The following AQP7 variants were observed in gnomAD, a reference collection of about 807,000 sequenced individuals.
The protein encoded by AQP7 is aquaporin 7.
A neutral mutation model predicts 26.1 loss-of-function variants in AQP7; 22 were observed. The observed-to-expected ratio is 0.84, with a 90% CI of 0.60 to 1.20. The LOEUF is 1.20. AQP7 is among the 50% of genes most tolerant of loss of function. The pLI is 0.00. For missense variants in AQP7, 412 were observed against 457.5 expected (o/e 0.90, Z 0.91); for synonymous variants, 167 against 181.7 (o/e 0.92, Z 0.65).
At chr9:33,399,203 T>C (rs1173664504) in intron 2 of AQP7, among the ~76,000 whole-genome samples, 1 of 152,036 alleles carries the variant, frequency 6.6e-6, no homozygotes, top group Non-Finnish European at 1.5e-5. Flanking sequence ...TAACCAGCTA[T>C]TAACTCATTT....
At position 33,395,036 on chromosome 9, in the gene AQP7, C is replaced by T. The variant is rs570250104; in HGVS notation, c.144+42G>A. On this transcript the variant is annotated intron_variant, in intron 3 of 7. Transcript: ENST00000297988. ...GCATGGGGAGGGGGTCATGGACGGCCCTGGCGGAGCCCCACCCACTTCGTG... is the reference window on the plus strand; with the variant it reads ...GCATGGGGAGGGGGTCATGGACGGCTCTGGCGGAGCCCCACCCACTTCGTG... 4.5e-5 allele frequency: 70 copies of T among 1,561,376 alleles called. 1 individual carries two copies. The South Asian group carries it at 6.7e-4, about 15-fold the overall frequency.
chr9:33,393,456 TC>T (rs1003978302), intron 3 of AQP7, among the ~76,000 whole-genome samples: 7 of 152,180 alleles, frequency 4.6e-5, no homozygotes, highest in African/African-American at 1.7e-4. Context: ...ATTTCCTGTC[TC>T]CCTTGAGCTC....
chr9:33,387,430 A>T (rs1587098504), intron 3 of AQP7, among the ~76,000 whole-genome samples: 1 of 151,880 alleles, frequency 6.6e-6, no homozygotes. Context: ...CATGCATTGC[A>T]CCCCCTCAGA....
chr9:33,401,157 A>G (rs1165991463), intron 2 of AQP7, 80 bp downstream of exon 2: 24 of 1,474,044 alleles, frequency 1.6e-5, no homozygotes, highest in Non-Finnish European at 2.2e-5. Context: ...GGAGAGGCTG[A>G]GGATGGAACA....
chr9:33,396,932 C>T (rs1486665525), intron 2 of AQP7, among the ~76,000 whole-genome samples: 1 of 144,586 alleles, frequency 6.9e-6, no homozygotes, highest in Non-Finnish European at 1.5e-5. Flanking sequence ...CTCATCTCTA[C>T]AAAAAAAAAA....
intron 3 of AQP7, among the ~76,000 whole-genome samples, chr9:33,389,453 G>T (rs1825179465): frequency 6.6e-6 from 1 of 152,200 alleles, no homozygotes; most frequent in African/African-American, 2.4e-5. Context: ...GGGATTACAG[G>T]TGTGAGCCAC....
chr9:33,399,494 G>T (rs1435267684), intron 2 of AQP7, among the ~76,000 whole-genome samples: 1 of 151,882 alleles, frequency 6.6e-6, no homozygotes, highest in Admixed American at 6.6e-5. Context: ...GCTGGGGGGG[G>T]AGGGGCTGAG....
intron 3 of AQP7, among the ~76,000 whole-genome samples, chr9:33,390,231 C>G (rs1026562056): frequency 4.0e-5 from 6 of 151,776 alleles, no homozygotes; most frequent in African/African-American, 1.2e-4. Flanking sequence ...GAGGGACAGG[C>G]TGAAGATAAA....
At chr9:33,392,594 C>G (rs1825508275) in intron 3 of AQP7, among the ~76,000 whole-genome samples, 1 of 152,186 alleles carries the variant, frequency 6.6e-6, no homozygotes, top group African/African-American at 2.4e-5. Flanking sequence ...GCCTATTTCC[C>G]TAACAGCTCT....
At chr9:33,401,107 G>T in intron 2 of AQP7, 130 bp downstream of exon 2, 1 of 1,004,690 alleles carries the variant, frequency 1.0e-6, no homozygotes, top group Non-Finnish European at 1.5e-6. Context: ...CGAGTGGGTG[G>T]GTGGGGAGGA....
intron 1 of AQP7, 191 bp from the exon 2 acceptor site, chr9:33,401,478 A>C: frequency 3.5e-6 from 2 of 576,590 alleles, no homozygotes; most frequent in Non-Finnish European, 6.2e-6. Context: ...GCCCCACCCC[A>C]CCCATGCTGG....
intron 3 of AQP7, 143 bp downstream of exon 3, chr9:33,394,935 C>T (rs1263197058): frequency 6.8e-6 from 5 of 731,564 alleles, no homozygotes; most frequent in South Asian, 1.8e-5. Flanking sequence ...AAAGCCCCCC[C>T]TCCTTACTTT....
intron 2 of AQP7, among the ~76,000 whole-genome samples, chr9:33,397,434 C>T (rs971587927): frequency 2.0e-5 from 3 of 152,028 alleles, no homozygotes; most frequent in African/African-American, 7.2e-5. Context: ...TAATGAGACC[C>T]CTATACGATG....
At chr9:33,386,291 A>G in intron 5 of AQP7, 96 bp from the exon 6 acceptor site, 10 of 1,598,044 alleles carry the variant, frequency 6.3e-6, no homozygotes, top group Non-Finnish European at 8.6e-6. Flanking sequence ...GGGGATCTCC[A>G]AGGCTTTTTT....
chr9:33,394,933 C>A, intron 3 of AQP7, 145 bp downstream of exon 3: 5 of 717,700 alleles, frequency 7.0e-6, no homozygotes, highest in Non-Finnish European at 9.5e-6. Context: ...AGAAAGCCCC[C>A]CCTCCTTACT....
intron 1 of AQP7, among the ~76,000 whole-genome samples, chr9:33,402,051 C>T (rs550803681): frequency 1.3e-5 from 2 of 152,280 alleles, no homozygotes; most frequent in African/African-American, 4.8e-5. Flanking sequence ...GTCTTCAGCT[C>T]TCTCCTCGTC....
intron 3 of AQP7, among the ~76,000 whole-genome samples, chr9:33,387,720 A>ATTACCC (rs1424097962): frequency 1.3e-5 from 2 of 151,876 alleles, no homozygotes; most frequent in Non-Finnish European, 2.9e-5. Context: ...CTTCAGGCCC[A>ATTACCC]TTAGCCTCAG....
intron 1 of AQP7, 76 bp from the exon 2 acceptor site, chr9:33,401,363 C>T (rs1826267437): frequency 4.6e-6 from 6 of 1,303,014 alleles, no homozygotes; most frequent in South Asian, 3.8e-5. Flanking sequence ...ACCTTGGTCC[C>T]CAGGGGAGAA....
chr9:33,398,886 C>A (rs1459021284), intron 2 of AQP7, among the ~76,000 whole-genome samples: 3 of 152,078 alleles, frequency 2.0e-5, no homozygotes, highest in African/African-American at 7.2e-5. Flanking sequence ...AACTGGCAGC[C>A]AACCAGATTC....
Sources: gnomAD v4.1 joint callset for allele counts (sites outside exome capture counted in the v4.1 genomes callset) on GRCh38, gnomAD v4.1.1 for gene constraint, MANE v1.5 for transcripts, NCBI Gene and HGNC (gene_info 2026-07-23, HGNC 2026-07-21) for gene names.